Variants in DISP3 observed in about 807,000 individuals in gnomAD.
DISP3 encodes dispatched RND transporter family member 3, also known as protein dispatched homolog 3.
Under a neutral mutation model 135.3 loss-of-function variants are expected in DISP3, and 101 were observed. The observed-to-expected ratio is 0.75, with a 90% CI of 0.64 to 0.88. DISP3 has a LOEUF of 0.88. DISP3 is among the 40% of genes least tolerant of loss of function. The pLI, the probability that DISP3 is intolerant of heterozygous loss-of-function variation, is 0.00. For synonymous variants in DISP3, 856 were observed against 817.0 expected, an observed-to-expected ratio of 1.05 and a Z score of -0.81; for missense variants, 1,713 against 1,878.6, an observed-to-expected ratio of 0.91 and a Z score of 1.63.
At chr1:11,530,002 A>G in intron 15 of DISP3, 43 bp downstream of exon 15, 2 of 1,594,796 alleles carry the variant, frequency 1.3e-6, no homozygotes, top group Non-Finnish European at 1.7e-6. Context: ...CCCCAGCTGC[A>G]ACAGTCTTGC....
chr1:11,523,884 G>A (rs1341047499), intron 10 of DISP3, 58 bp from the exon 11 acceptor site: 12 of 1,433,354 alleles, frequency 8.4e-6, no homozygotes, highest in Admixed American at 3.5e-5. Flanking sequence ...TCTGCCCATC[G>A]GGCCCAGGCC....
At position 11,531,658 on chromosome 1, in the gene DISP3, C is replaced by T. The variant is rs779635425; in HGVS notation, c.3323C>T (p.Ala1108Val). Reference protein sequence around the residue: ...NLLPGQLSHGAVGVREGRVQW... With the variant: ...NLLPGQLSHGVVGVREGRVQW... ...CTCCCGGGGCAGCTGTCCCACGGGG[C>T]AGTGGGCGTCAGGGAGGGCCGCGTG... is the stretch of plus-strand genomic sequence containing the variant. The change falls in exon 17 of 21, where the codon GCA becomes GTA. Residue 1108 changes from alanine (A) to valine (V), a missense_variant. Transcript: ENST00000294484. This position sits in a 1 kb window ranked among gnomAD's most constrained non-coding sequence, Gnocchi z 5.2. The T allele has an allele frequency of 6.2e-7, 1 of 1,612,846 alleles. No individual in the cohort carries two copies. The highest frequency in any genetic ancestry group is 8.5e-7 in the Non-Finnish European group (1 of 1,179,660).
Position 11,535,122 on chromosome 1 carries a change from T to G in DISP3, c.3647T>G (p.Leu1216Trp). 3 of 1,601,108 alleles carry G rather than the reference T, an allele frequency of 1.9e-6. No homozygotes were observed. The highest frequency in any genetic ancestry group is 2.6e-6 in the Non-Finnish European group (3 of 1,174,852). The change falls in exon 19 of 21, where the codon TTG (leucine) becomes TGG (tryptophan). Residue 1216 changes from leucine (L) to tryptophan (W), a missense_variant and splice_region_variant. Transcript: ENST00000294484. ...CTGCTGCCCGTGCTCCTCAGCATCT[T>G]GGGTACGTGGGCGAGGGGCTGGCAG... The part of the protein sequence containing the change: ...LLLLPVLLSI[L>W]GIVCLVVTIM...
In DISP3 at chr1:11,525,249, T is replaced by TG; in HGVS notation, c.2551dup (p.Ala851GlyfsTer24). ...CCGCTGTCTACAGGCTCTCCCTCAATGCCAGCCTGCCTGCTCCTTGGCAGG... is the reference window on the plus strand; with the variant it reads ...CCGCTGTCTACAGGCTCTCCCTCAATGGCCAGCCTGCCTGCTCCTTGGCAGG... On this transcript the variant is annotated frameshift_variant, in exon 12 of 21. Transcript: ENST00000294484. LOFTEE classifies it high-confidence loss of function. 6.2e-7 allele frequency: 1 copy of TG among 1,614,076 alleles called. No homozygotes were observed. The highest frequency in any genetic ancestry group is 8.5e-7 in the Non-Finnish European group (1 of 1,179,968).
rs760423641 is a variant in DISP3 at position 11,501,269 on chromosome 1, T to G, written c.277T>G (p.Phe93Val). ...CCCCATGGCCCTGTCAGCCTTCATG[T>G]TCCTTTACTACCCACCGCTGGACAT... Reference protein sequence around the residue: ...SIPMALSAFMFLYYPPLDIDI... With the variant: ...SIPMALSAFMVLYYPPLDIDI... The change falls in exon 2 of 21, where the codon TTC becomes GTC. Residue 93 changes from phenylalanine (F) to valine (V), a missense_variant. Phe to Val is a conservative substitution (Grantham distance 50). This residue lies in a region of DISP3 where 571 missense variants were observed against 494.1 expected (regional missense o/e 1.16). Transcript: ENST00000294484. This position sits in a 1 kb window ranked among gnomAD's most constrained non-coding sequence, Gnocchi z 4.9. 6.2e-7 allele frequency: 1 copy of G among 1,614,142 alleles called. No homozygotes were observed. Among genetic ancestry groups the G allele is most frequent in the Non-Finnish European group, 8.5e-7 (1 of 1,180,028 alleles).
chr1:11,527,698 G>C (rs61583627), intron 13 of DISP3, among the ~76,000 whole-genome samples: 2 of 152,174 alleles, frequency 1.3e-5, no homozygotes, highest in Non-Finnish European at 2.9e-5. Context: ...AGGGGTTGCA[G>C]TGGCCACCTG....
In DISP3 at chr1:11,501,544, C is replaced by T. The variant is rs1459227085; in HGVS notation, c.552C>T (p.Gly184=). Residue 184 remains glycine, a synonymous_variant, in exon 2 of 21, where the codon GGC becomes GGT. Coordinates refer to ENST00000294484, the MANE Select transcript of DISP3 (RefSeq NM_020780.2). The surrounding 1 kb of genome is among the most constrained non-coding windows in gnomAD (Gnocchi z 4.9). ...VIPAASLGGP[G]PYRDTSAAQK... ...CCGCGGCCTCACTCGGTGGCCCAGG[C>T]CCTTACCGGGACACTTCCGCGGCTC... 2 of 1,592,712 alleles carry T rather than the reference C, an allele frequency of 1.3e-6. No homozygotes were observed. The highest frequency in any genetic ancestry group is 1.1e-5 in the South Asian group (1 of 88,738).
chr1:11,494,929 T>C (rs1363971494), intron 1 of DISP3, among the ~76,000 whole-genome samples: 1 of 152,114 alleles, frequency 6.6e-6, no homozygotes, highest in East Asian at 1.9e-4. Context: ...GGCTCTGGCA[T>C]GGGTTCACAT....
At position 11,501,682 on chromosome 1, in the gene DISP3, G is replaced by T. The variant is rs1481267760; in HGVS notation, c.690G>T (p.Gly230=). The change falls in exon 2 of 21, where the codon GGG becomes GGT. Residue 230 remains glycine (G), a synonymous_variant. Coordinates refer to ENST00000294484, the MANE Select transcript of DISP3 (RefSeq NM_020780.2). The surrounding 1 kb of genome is among the most constrained non-coding windows in gnomAD (Gnocchi z 4.9). ...DPRNQRLSKN[G]RYQPSIPPHA... The stretch of plus-strand genomic sequence containing the variant: ...GAAACCAGCGGCTGAGCAAGAATGG[G>T]CGGTACCAGCCCAGCATCCCGCCCC... 6.2e-7 allele frequency: 1 copy of T among 1,605,530 alleles called. No individual in the cohort carries two copies. The highest frequency in any genetic ancestry group is 1.3e-5 in the African/African-American group (1 of 74,836).
In DISP3 at chr1:11,501,863, A is replaced by G. The variant is rs1004273664; in HGVS notation, c.871A>G (p.Thr291Ala). ...CGGCGACGCGGAGCGCAACATTTTCACCAGTGAGCGCCTGGTCACGATCCA... is the reference window on the plus strand; with the variant it reads ...CGGCGACGCGGAGCGCAACATTTTCGCCAGTGAGCGCCTGGTCACGATCCA... ...ARGDAERNIFTSERLVTIHEI... is the reference protein window; with the variant it reads ...ARGDAERNIFASERLVTIHEI... The change falls in exon 2 of 21, where the codon ACC (threonine) becomes GCC (alanine). Residue 291 changes from threonine (T) to alanine (A), a missense_variant. Coordinates refer to ENST00000294484, the MANE Select transcript of DISP3 (RefSeq NM_020780.2). The surrounding 1 kb of genome is among the most constrained non-coding windows in gnomAD (Gnocchi z 4.9). The G allele has an allele frequency of 8.7e-6, 14 of 1,612,810 alleles. No homozygotes were observed. The highest frequency in any genetic ancestry group is 1.2e-5 in the Non-Finnish European group (14 of 1,179,612).
At chr1:11,488,727 T>A (rs1221830267) in intron 1 of DISP3, among the ~76,000 whole-genome samples, 1 of 151,922 alleles carries the variant, frequency 6.6e-6, no homozygotes, top group Non-Finnish European at 1.5e-5. Context: ...GGAGGACTGA[T>A]TCTAGGACCC....
chr1:11,529,555 G>A lies in DISP3; in HGVS notation c.2799-1G>A. ...CAGCCCAGCCTCCATTCCCTCCACAGGAAGCTGTACTTCGCCCAGTCCCAC... is the reference window on the plus strand; with the variant it reads ...CAGCCCAGCCTCCATTCCCTCCACAAGAAGCTGTACTTCGCCCAGTCCCAC... On this transcript the variant is annotated splice_acceptor_variant, in intron 13 of 20. Coordinates refer to ENST00000294484, the MANE Select transcript of DISP3 (RefSeq NM_020780.2). LOFTEE classifies it high-confidence loss of function. The surrounding 1 kb of genome is among the most constrained non-coding windows in gnomAD (Gnocchi z 4.7). 1 of 1,550,896 alleles carries A rather than the reference G, an allele frequency of 6.4e-7. No individual in the cohort carries two copies. The highest frequency in any genetic ancestry group is 1.2e-5 in the South Asian group (1 of 83,830).
intron 13 of DISP3, among the ~76,000 whole-genome samples, chr1:11,527,410 A>T (rs185952913): frequency 1.9e-4 from 29 of 152,158 alleles, no homozygotes; most frequent in African/African-American, 7.0e-4. Context: ...TTAGCCAGGC[A>T]TGGTGGCACG....
intron 1 of DISP3, among the ~76,000 whole-genome samples, chr1:11,498,822 T>C (rs901192530): frequency 3.3e-5 from 5 of 152,168 alleles, no homozygotes; most frequent in African/African-American, 1.2e-4. Flanking sequence ...AGTACTGTTA[T>C]ACCCGTTCTG....
Position 11,536,647 on chromosome 1 carries a change from C to T in DISP3, c.4140C>T (p.Ser1380=), listed in dbSNP as rs374986694. The change falls in exon 21 of 21, where the codon AGC becomes AGT. Residue 1380 remains serine, a synonymous_variant. Coordinates refer to ENST00000294484, the MANE Select transcript of DISP3 (RefSeq NM_020780.2). This position sits in a 1 kb window ranked among gnomAD's most constrained non-coding sequence, Gnocchi z 4.3. ...GTGCCTGCCTCGTGCTCCTGCAGAGCGGCTATAAGATTCCCCTGCCCGCAG... is the reference window on the plus strand; with the variant it reads ...GTGCCTGCCTCGTGCTCCTGCAGAGTGGCTATAAGATTCCCCTGCCCGCAG... The part of the protein sequence containing the change: ...GLGACLVLLQ[S]GYKIPLPAGA... 15 of 1,596,396 alleles carry T rather than the reference C, an allele frequency of 9.4e-6. No individual in the cohort carries two copies. In the African/African-American group the frequency reaches 1.1e-4, roughly 11 times the overall value.
rs77696942 is a variant in DISP3 at position 11,504,175 on chromosome 1, G to A, written c.1316+1278G>A. 3.6e-3 allele frequency among the ~76,000 whole-genome samples: 549 copies of A among 152,288 alleles called. 4 individuals are homozygous for A. Among genetic ancestry groups the A allele is most frequent in the African/African-American group, 0.012 (513 of 41,552 alleles). Reference sequence around the variant, plus strand: ...ACTTACACTGTGCCACACACTGTTCGAAACCCTTTATACATACCAGCTCAT... The same window carrying A: ...ACTTACACTGTGCCACACACTGTTCAAAACCCTTTATACATACCAGCTCAT... On this transcript the variant is annotated intron_variant, in intron 3 of 20. Coordinates refer to ENST00000294484, the MANE Select transcript of DISP3 (RefSeq NM_020780.2).
chr1:11,502,001 A>C lies in DISP3; in HGVS notation c.1009A>C (p.Ser337Arg). 2 of 1,613,346 alleles carry C rather than the reference A, an allele frequency of 1.2e-6. No homozygotes were observed. Among genetic ancestry groups the C allele is most frequent in the East Asian group, 2.2e-5 (1 of 44,878 alleles). ...LGSYSYCSPP[S>R]SLMTYFFPTE... ...CTCCTACTCCTACTGCTCGCCCCCC[A>C]GCTCGCTCATGACCTACTTTTTTCC... is the stretch of plus-strand genomic sequence containing the variant. The change falls in exon 2 of 21, where the codon AGC (serine) becomes CGC (arginine). Residue 337 changes from serine (S) to arginine (R), a missense_variant. Around this residue, in one of 2 missense-constraint regions of DISP3, gnomAD observed 571 missense variants for 494.1 expected, o/e 1.16. Transcript: ENST00000294484.
intron 13 of DISP3, among the ~76,000 whole-genome samples, chr1:11,528,358 A>C (rs1385526945): frequency 6.6e-6 from 1 of 152,136 alleles, no homozygotes; most frequent in Non-Finnish European, 1.5e-5. Flanking sequence ...TTCATTCCCC[A>C]TGTTGTAAAC....
chr1:11,501,093 C>T lies in DISP3; in HGVS notation c.101C>T (p.Pro34Leu), dbSNP rs554804846. 1.2e-6 allele frequency: 2 copies of T among 1,614,094 alleles called. No individual in the cohort carries two copies. Among genetic ancestry groups the T allele is most frequent in the East Asian group, 4.5e-5 (2 of 44,884 alleles). Residue 34 changes from proline (P) to leucine (L), a missense_variant, in exon 2 of 21, where the codon CCA (proline) becomes CTA (leucine). By Grantham distance (98) the Pro-to-Leu change is moderately conservative (BLOSUM62 -3). Around this residue, in one of 2 missense-constraint regions of DISP3, gnomAD observed 571 missense variants for 494.1 expected, o/e 1.16. Coordinates refer to ENST00000294484, the MANE Select transcript of DISP3 (RefSeq NM_020780.2). The surrounding 1 kb of genome is among the most constrained non-coding windows in gnomAD (Gnocchi z 4.9). Reference protein sequence around the residue: ...TGETFLGAQKPGPQPGAGGQC... With the variant: ...TGETFLGAQKLGPQPGAGGQC... ...GAAACCTTTTTAGGGGCCCAGAAGC[C>T]AGGGCCCCAACCTGGGGCAGGGGGA...
Sources: gnomAD v4.1 joint callset for allele counts (sites outside exome capture counted in the v4.1 genomes callset) on GRCh38, gnomAD v4.1.1 for gene constraint, gnomAD v4.1.1 regional missense constraint, Gnocchi (gnomAD v3.1) non-coding constraint, MANE v1.5 for transcripts, NCBI Gene and HGNC (gene_info 2026-07-23, HGNC 2026-07-21) for gene names.